Variants in RGS6 observed in about 807,000 individuals in gnomAD.
RGS6 encodes regulator of G protein signaling 6, also known as regulator of G-protein signaling 6.
In RGS6, 30 loss-of-function variants were observed where a neutral mutation model predicts 78.5. The ratio of observed to expected loss-of-function variants is 0.38; its 90% CI spans 0.29 to 0.52. The LOEUF is 0.52. RGS6 is among the 20% of genes least tolerant of loss of function. The probability of loss-of-function intolerance (pLI) is 0.85; values close to 1 mark genes in which losing one functional copy is unlikely to be tolerated. For synonymous variants in RGS6, 206 were observed against 206.0 expected, an observed-to-expected ratio of 1.00 and a Z score of 0.00; for missense variants, 495 against 609.7, an observed-to-expected ratio of 0.81 and a Z score of 1.98.
intron 2 of RGS6, among the ~76,000 whole-genome samples, chr14:72,051,866 A>C (rs974950994): frequency 2.0e-5 from 3 of 152,230 alleles, no homozygotes; most frequent in African/African-American, 7.2e-5. Flanking sequence ...TGACCAAAAA[A>C]TGAAAAACAT....
chr14:72,395,637 C>T (rs908038315), intron 3 of RGS6, among the ~76,000 whole-genome samples: 1 of 152,052 alleles, frequency 6.6e-6, no homozygotes, highest in African/African-American at 2.4e-5. Context: ...CACCCATTAA[C>T]TCGTCATTTA....
Position 72,144,044 on chromosome 14 carries a change from C to T in RGS6, c.84+179169C>T, listed in dbSNP as rs529728043. Among the ~76,000 whole-genome samples the T allele has an allele frequency of 4.4e-3, 665 of 152,108 alleles. 3 individuals carry two copies. The highest frequency in any genetic ancestry group is 0.011 in the African/African-American group (476 of 41,502). On this transcript the variant is annotated intron_variant, in intron 2 of 17. Coordinates refer to ENST00000553525, the MANE Select transcript of RGS6 (RefSeq NM_001204424.2). ...TTCAAACTCATCATTGAGACATTGG[C>T]GAGACTGGGAAAATTATTTCTGAAT...
chr14:72,533,546 G>C (rs1441750290), intron 15 of RGS6, among the ~76,000 whole-genome samples: 1 of 152,236 alleles, frequency 6.6e-6, no homozygotes. Flanking sequence ...TCCTCTGATG[G>C]ATTTGGGCAA....
At chr14:72,255,038 G>A (rs2283400) in intron 2 of RGS6, among the ~76,000 whole-genome samples, 8,729 of 152,288 alleles carry the variant, frequency 0.057, 362 homozygotes, top group East Asian at 0.26. Flanking sequence ...TCCCTGGGGA[G>A]ACACAGCAGG....
chr14:72,588,183 GC>G, the RGS6 span, among the ~76,000 whole-genome samples: 5 of 152,260 alleles, frequency 3.3e-5, no homozygotes, highest in East Asian at 7.7e-4. Flanking sequence ...TTGTGAGATA[GC>G]CCCCAGGGGT....
At chr14:71,944,831 A>T (rs919365322) in intron 1 of RGS6, among the ~76,000 whole-genome samples, 3 of 152,194 alleles carry the variant, frequency 2.0e-5, no homozygotes, top group Admixed American at 6.5e-5. Flanking sequence ...CCTAGAGTGT[A>T]CTTACACAAC....
chr14:72,579,021 G>A, the RGS6 span, among the ~76,000 whole-genome samples: 1 of 152,220 alleles, frequency 6.6e-6, no homozygotes, highest in East Asian at 1.9e-4. Flanking sequence ...TGTATCAACC[G>A]CCTGCATCAG....
intron 2 of RGS6, among the ~76,000 whole-genome samples, chr14:72,257,256 C>T (rs2139594): frequency 0.56 from 85,285 of 152,040 alleles, 24,358 homozygotes; most frequent in African/African-American, 0.66. Context: ...TTCCCATGAA[C>T]ATTTGGATCA....
intron 2 of RGS6, among the ~76,000 whole-genome samples, chr14:72,119,658 A>G (rs1259497312): frequency 6.6e-6 from 1 of 152,230 alleles, no homozygotes; most frequent in African/African-American, 2.4e-5. Context: ...TAGACATGAA[A>G]CAAACGAGAG....
At chr14:71,939,943 C>T (rs1374907962) in intron 1 of RGS6, among the ~76,000 whole-genome samples, 3 of 152,200 alleles carry the variant, frequency 2.0e-5, no homozygotes, top group Non-Finnish European at 2.9e-5. Context: ...CCATAATAGC[C>T]GTCACCCTAC....
At chr14:72,510,649 A>G (rs2096867339) in intron 14 of RGS6, among the ~76,000 whole-genome samples, 1 of 152,232 alleles carries the variant, frequency 6.6e-6, no homozygotes, top group Admixed American at 6.5e-5. Flanking sequence ...AAAACTTCCC[A>G]GTCTGGGGTC....
At chr14:72,290,937 T>C (rs1172638424) in intron 2 of RGS6, among the ~76,000 whole-genome samples, 2 of 152,088 alleles carry the variant, frequency 1.3e-5, no homozygotes, top group African/African-American at 4.8e-5. Context: ...GGATCCAGAC[T>C]CTCAAGAGGC....
At chr14:72,370,400 A>T (rs902945921) in intron 3 of RGS6, among the ~76,000 whole-genome samples, 1 of 152,196 alleles carries the variant, frequency 6.6e-6, no homozygotes, top group Non-Finnish European at 1.5e-5. Context: ...ACATGCAAAG[A>T]TGAGAGCTTA....
intron 2 of RGS6, among the ~76,000 whole-genome samples, chr14:72,188,483 ATC>A (rs2097279132): frequency 1.7e-4 from 1 of 5,878 alleles, no homozygotes; most frequent in Non-Finnish European, 5.3e-4. Flanking sequence ...AGCAGTTATC[ATC>A]ATCATCATCA....
At chr14:71,938,783 A>T (rs954436791) in intron 1 of RGS6, among the ~76,000 whole-genome samples, 1 of 152,212 alleles carries the variant, frequency 6.6e-6, no homozygotes, top group Non-Finnish European at 1.5e-5. Flanking sequence ...TTCAGGTTGC[A>T]TGGTGACTTG....
chr14:72,550,018 GA>G (rs2097479770), intron 17 of RGS6, among the ~76,000 whole-genome samples: 1 of 152,140 alleles, frequency 6.6e-6, no homozygotes, highest in Non-Finnish European at 1.5e-5. Context: ...GCTGTCCTAA[GA>G]ACCACCCCGA....
chr14:72,537,334 A>C (rs2097263903), intron 16 of RGS6, among the ~76,000 whole-genome samples: 1 of 152,202 alleles, frequency 6.6e-6, no homozygotes, highest in Middle Eastern at 3.2e-3. Context: ...CTCATGTGCC[A>C]GGATCCTGTC....
chr14:72,016,500 G>A (rs2087008049), intron 2 of RGS6, among the ~76,000 whole-genome samples: 1 of 152,134 alleles, frequency 6.6e-6, no homozygotes, highest in South Asian at 2.1e-4. Context: ...AGAGTAGCTG[G>A]GACTACAGGT....
Position 72,473,448 on chromosome 14 carries a change from G to GA in RGS6, c.618+505dup, listed in dbSNP as rs566446325. 6.6e-3 allele frequency among the ~76,000 whole-genome samples: 985 copies of GA among 150,050 alleles called. 6 individuals carry two copies. Among genetic ancestry groups the GA allele is most frequent in the African/African-American group, 0.013 (519 of 40,968 alleles). On this transcript the variant is annotated intron_variant, in intron 9 of 17. Coordinates refer to ENST00000553525, the MANE Select transcript of RGS6 (RefSeq NM_001204424.2). ...AACAGAGCGAGACTCCATCTCTGGG[G>GA]AAAAAAAAAATTATTCATTCCTGAA...
Sources: allele counts gnomAD v4.1 joint callset (sites outside exome capture counted in the v4.1 genomes callset), GRCh38; gene constraint gnomAD v4.1.1; transcripts MANE v1.5; gene names NCBI Gene and HGNC (gene_info 2026-07-23, HGNC 2026-07-21).